The following CDK3 variants were observed in gnomAD, a reference collection of about 807,000 sequenced individuals.
CDK3 encodes cyclin-dependent kinase 3.
A neutral mutation model predicts 30.2 loss-of-function variants in CDK3; 24 were observed. The ratio of observed to expected loss-of-function variants is 0.79; its 90% confidence interval spans 0.57 to 1.12. The LOEUF is 1.12. Ranked by LOEUF, CDK3 falls within the 50% of genes most tolerant of loss-of-function variation. CDK3 has a pLI of 0.00. For missense variants in CDK3, 345 were observed against 376.0 expected (o/e 0.92, Z 0.68); for synonymous variants, 158 against 154.2 (o/e 1.02, Z -0.18).
In CDK3 at chr17:76,002,097, C is replaced by A; in HGVS notation, c.270C>A (p.Tyr90Ter). 4 of 1,613,998 alleles carry A rather than the reference C, an allele frequency of 2.5e-6. No individual in the cohort carries two copies. The highest frequency in any genetic ancestry group is 3.4e-6 in the Non-Finnish European group (4 of 1,180,004). ...TCCTCAGCCAGGACCTGAAGAAGTACATGGACTCCACCCCAGGCTCAGAGC... is the reference window on the plus strand; with the variant it reads ...TCCTCAGCCAGGACCTGAAGAAGTAAATGGACTCCACCCCAGGCTCAGAGC... The part of the protein sequence containing the change: ...FEFLSQDLKK[Y>*]MDSTPGSELP... Residue 90 changes from tyrosine (Y) to a stop codon, truncating the protein, a stop_gained, in exon 4 of 8, where the codon TAC becomes TAA. Transcript: ENST00000448471. LOFTEE classifies it high-confidence loss of function. This position sits in a 1 kb window ranked among gnomAD's most constrained non-coding sequence, Gnocchi z 4.3.
intron 7 of CDK3, among the ~76,000 whole-genome samples, chr17:76,004,970 C>T (rs1318571166): frequency 6.6e-6 from 1 of 152,172 alleles, no homozygotes; most frequent in Non-Finnish European, 1.5e-5. Context: ...CAGTGTTCCT[C>T]CCTGGACAGC....
chr17:76,003,764 T>C (rs559572558), intron 7 of CDK3, among the ~76,000 whole-genome samples: 1 of 152,160 alleles, frequency 6.6e-6, no homozygotes, highest in South Asian at 2.1e-4. Flanking sequence ...TTTTTTGAGA[T>C]GGAGTTTTGC....
rs765907594 is a variant in CDK3, at chr17:76,002,578, A to G, written c.554A>G (p.Asp185Gly). 2.3e-6 allele frequency: 2 copies of G among 863,234 alleles called. No individual in the cohort carries two copies. Among genetic ancestry groups the G allele is most frequent in the South Asian group, 1.3e-5 (1 of 76,164 alleles). The allele number at this position is 863,234 out of a possible 1,614,324, so 53.5% of individuals were successfully genotyped here. Residue 185 changes from aspartate (D) to glycine (G), a missense_variant, in exon 6 of 8, where the codon GAT becomes GGT. By Grantham distance (94) the Asp-to-Gly change is moderately conservative. Coordinates refer to ENST00000448471, the MANE Select transcript of CDK3 (RefSeq NM_001258.4). This position sits in a 1 kb window ranked among gnomAD's most constrained non-coding sequence, Gnocchi z 4.3. ...LGSKFYTTAV[D>G]IWSIGCIFAE... ...AGCAAGTTCTATACCACAGCTGTGGATATCTGGAGCATTGGTTGCATCTTT... is the reference window on the plus strand; with the variant it reads ...AGCAAGTTCTATACCACAGCTGTGGGTATCTGGAGCATTGGTTGCATCTTT...
Position 76,002,434 on chromosome 17 carries a change from G to A in CDK3, c.486+16G>A. 1.9e-6 allele frequency: 3 copies of A among 1,612,456 alleles called. No individual in the cohort carries two copies. Among genetic ancestry groups the A allele is most frequent in the Middle Eastern group, 3.3e-4 (2 of 6,060 alleles). ...CACCCATGAGGTATTGTGAGACAAA[G>A]AGGAGAGAGGGGCAGCAGGAGGAGT... On this transcript the variant is annotated intron_variant, in intron 5 of 7. Transcript: ENST00000448471. The surrounding 1 kb of genome is among the most constrained non-coding windows in gnomAD (Gnocchi z 4.3).
rs1201599524 is a variant in CDK3, at chr17:76,005,572, G to A, written c.*149G>A. On this transcript the variant is annotated 3_prime_UTR_variant, in exon 8 of 8. Coordinates refer to ENST00000448471, the MANE Select transcript of CDK3 (RefSeq NM_001258.4). This position sits in a 1 kb window ranked among gnomAD's most constrained non-coding sequence, Gnocchi z 4.7. Reference sequence around the variant, plus strand: ...AGAGGGCTGAGTCTGGGTTAGTCCTGCCCGCAGGTTAGCGAGATCCTGTGT... The same window carrying A: ...AGAGGGCTGAGTCTGGGTTAGTCCTACCCGCAGGTTAGCGAGATCCTGTGT... The A allele has an allele frequency of 9.6e-6, 9 of 939,630 alleles. No homozygotes were observed. The highest frequency in any genetic ancestry group is 1.4e-5 in the Non-Finnish European group (9 of 642,322). 58.2% of individuals were successfully genotyped at this position (939,630 alleles called of 1,614,324 possible).
intron 7 of CDK3, among the ~76,000 whole-genome samples, chr17:76,004,219 G>GTTTTTTTTGTT (rs71361702): frequency 2.9e-4 from 27 of 92,298 alleles, no homozygotes; most frequent in Non-Finnish European, 4.2e-4. Context: ...AGAACCGTCT[G>GTTTTTTTTGTT]TTTTTTTTTT....
chr17:76,004,628 C>CA (rs1313310562), intron 7 of CDK3: 2 of 152,490 alleles, frequency 1.3e-5, no homozygotes, highest in Non-Finnish European at 2.9e-5. Flanking sequence ...CTGGGGGGAT[C>CA]ACAGGTGTGA....
At position 76,002,208 on chromosome 17, in the gene CDK3, C is replaced by A; in HGVS notation, c.316-40C>A. On this transcript the variant is annotated intron_variant, in intron 4 of 7. Transcript: ENST00000448471. The surrounding 1 kb of genome is among the most constrained non-coding windows in gnomAD (Gnocchi z 4.3). ...CCCTGCCATCCCTGTCCACGCAGCA[C>A]CTCCGCTCAGCTGGCTGCACCTCGC... 6.2e-7 allele frequency: 1 copy of A among 1,612,708 alleles called. No homozygotes were observed. Among genetic ancestry groups the A allele is most frequent in the Non-Finnish European group, 8.5e-7 (1 of 1,179,342 alleles).
chr17:76,005,262 C>T lies in CDK3; in HGVS notation c.793-36C>T. The T allele has an allele frequency of 1.9e-6, 3 of 1,605,340 alleles. No individual in the cohort carries two copies. Among genetic ancestry groups the T allele is most frequent in the South Asian group, 2.2e-5 (2 of 90,346 alleles). On this transcript the variant is annotated intron_variant, in intron 7 of 7. Coordinates refer to ENST00000448471, the MANE Select transcript of CDK3 (RefSeq NM_001258.4). This position sits in a 1 kb window ranked among gnomAD's most constrained non-coding sequence, Gnocchi z 4.7. ...GGAATTTCTCACCCCACCCTGGCTGCACCCAGACCACATCTTCTTCCTTCT... is the reference window on the plus strand; with the variant it reads ...GGAATTTCTCACCCCACCCTGGCTGTACCCAGACCACATCTTCTTCCTTCT...
At chr17:76,003,640 C>A (rs1048549333) in intron 7 of CDK3, among the ~76,000 whole-genome samples, 3 of 152,246 alleles carry the variant, frequency 2.0e-5, no homozygotes, top group South Asian at 4.1e-4. Context: ...CTGTGCTACA[C>A]GCCCTTTTTC....
rs556210327 is a variant in CDK3, at chr17:76,003,212, G to A, written c.606G>A (p.Leu202=). 28 of 1,614,208 alleles carry A rather than the reference G, an allele frequency of 1.7e-5. No homozygotes were observed. In the East Asian group the frequency reaches 3.6e-4, roughly 21 times the overall value. Residue 202 remains leucine, a synonymous_variant, in exon 7 of 8, where the codon CTG becomes CTA. Coordinates refer to ENST00000448471, the MANE Select transcript of CDK3 (RefSeq NM_001258.4). ...IFAEMVTRKA[L]FPGDSEIDQL... ...CATTTCAGGTGACTCGAAAAGCCCT[G>A]TTTCCTGGTGACTCTGAGATTGACC...
chr17:76,001,779 C>T lies in CDK3; in HGVS notation c.117-95C>T. On this transcript the variant is annotated intron_variant, in intron 2 of 7. Coordinates refer to ENST00000448471, the MANE Select transcript of CDK3 (RefSeq NM_001258.4). The surrounding 1 kb of genome is among the most constrained non-coding windows in gnomAD (Gnocchi z 6.2). ...AGGTCTCCATTGCCGGGGCCCTGGT[C>T]ATTCTGTGGGGTTAAGGAGAAGCCG... 2 of 1,223,528 alleles carry T rather than the reference C, an allele frequency of 1.6e-6. No homozygotes were observed. The highest frequency in any genetic ancestry group is 2.3e-6 in the Non-Finnish European group (2 of 875,668). 75.8% of individuals were successfully genotyped at this position (1,223,528 alleles called of 1,614,324 possible). A position where few individuals can be genotyped will look rare whatever the true frequency, so the allele number is the denominator to read the frequency against.
At position 76,002,549 on chromosome 17, in the gene CDK3, G is replaced by A. The variant is rs2066271017; in HGVS notation, c.525G>A (p.Leu175=). Residue 175 remains leucine, a synonymous_variant, in exon 6 of 8, where the codon TTG becomes TTA. Transcript: ENST00000448471. The surrounding 1 kb of genome is among the most constrained non-coding windows in gnomAD (Gnocchi z 4.3). Reference sequence around the variant, plus strand: ...GGTATCGCGCCCCCGAGATTCTCTTGGGCAGCAAGTTCTATACCACAGCTG... The same window carrying A: ...GGTATCGCGCCCCCGAGATTCTCTTAGGCAGCAAGTTCTATACCACAGCTG... The part of the protein sequence containing the change: ...TLWYRAPEIL[L]GSKFYTTAVD... The A allele has an allele frequency of 9.6e-7, 1 of 1,037,866 alleles. No individual in the cohort carries two copies. The highest frequency in any genetic ancestry group is 2.4e-5 in the East Asian group (1 of 42,276). 64.3% of individuals were successfully genotyped at this position (1,037,866 alleles called of 1,614,324 possible).
At chr17:76,003,173 C>T in intron 6 of CDK3, 22 bp from the exon 7 acceptor site, 3 of 1,610,002 alleles carry the variant, frequency 1.9e-6, no homozygotes, top group Non-Finnish European at 8.5e-7. Flanking sequence ...GACCCCACAC[C>T]TTCTCTTCTT....
Position 76,002,962 on chromosome 17 carries a change from A to G in CDK3, c.589-233A>G, listed in dbSNP as rs758232699. 3.3e-5 allele frequency: 19 copies of G among 576,046 alleles called. No homozygotes were observed. The highest frequency in any genetic ancestry group is 4.9e-5 in the Non-Finnish European group (16 of 323,400). 35.7% of individuals were successfully genotyped at this position (576,046 alleles called of 1,614,324 possible). A position where few individuals can be genotyped will look rare whatever the true frequency, so the allele number is the denominator to read the frequency against. On this transcript the variant is annotated intron_variant, in intron 6 of 7. Transcript: ENST00000448471. The surrounding 1 kb of genome is among the most constrained non-coding windows in gnomAD (Gnocchi z 4.3). ...CAGTGAGCTGTGATCGCACGACTGC[A>G]CTCTAGCCTGGGTGACAGAGCAAGA... is the stretch of plus-strand genomic sequence containing the variant.
At position 76,005,279 on chromosome 17, in the gene CDK3, C is replaced by T; in HGVS notation, c.793-19C>T. The T allele has an allele frequency of 2.5e-6, 4 of 1,612,598 alleles. No homozygotes were observed. Among genetic ancestry groups the T allele is most frequent in the Non-Finnish European group, 3.4e-6 (4 of 1,179,092 alleles). On this transcript the variant is annotated intron_variant, in intron 7 of 7. Transcript: ENST00000448471. This position sits in a 1 kb window ranked among gnomAD's most constrained non-coding sequence, Gnocchi z 4.7. ...CCTGGCTGCACCCAGACCACATCTT[C>T]TTCCTTCTTTCTTCCTAGCAACTCC...
At position 76,002,702 on chromosome 17, in the gene CDK3, G is replaced by A. The variant is rs191166789; in HGVS notation, c.588+90G>A. The A allele has an allele frequency of 1.8e-4, 132 of 732,504 alleles. 1 individual carries two copies. The highest frequency in any genetic ancestry group is 1.6e-3 in the African/African-American group (91 of 58,470). 45.4% of individuals were successfully genotyped at this position (732,504 alleles called of 1,614,324 possible). On this transcript the variant is annotated intron_variant, in intron 6 of 7. Coordinates refer to ENST00000448471, the MANE Select transcript of CDK3 (RefSeq NM_001258.4). This position sits in a 1 kb window ranked among gnomAD's most constrained non-coding sequence, Gnocchi z 4.3. ...GTCCACTGATGCTCCCATTCGAGGCGGATTAAAGAGTGTTTGGGGCTGGAC... is the reference window on the plus strand; with the variant it reads ...GTCCACTGATGCTCCCATTCGAGGCAGATTAAAGAGTGTTTGGGGCTGGAC...
chr17:76,002,343 G>A lies in CDK3; in HGVS notation c.411G>A (p.Glu137=). 1 of 1,613,010 alleles carries A rather than the reference G, an allele frequency of 6.2e-7. No individual in the cohort carries two copies. The highest frequency in any genetic ancestry group is 8.5e-7 in the Non-Finnish European group (1 of 1,179,990). ...AGCCCCAGAACCTGCTCATCAATGA[G>A]TTGGGTGCCATCAAGCTGGCTGACT... The part of the protein sequence containing the change: ...DLKPQNLLIN[E]LGAIKLADFG... Residue 137 remains glutamate, a synonymous_variant, in exon 5 of 8, where the codon GAG becomes GAA. Coordinates refer to ENST00000448471, the MANE Select transcript of CDK3 (RefSeq NM_001258.4). This position sits in a 1 kb window ranked among gnomAD's most constrained non-coding sequence, Gnocchi z 4.3.
rs1471867890 is a variant in CDK3 at position 76,001,429 on chromosome 17, G to A, written c.4G>A (p.Asp2Asn). M[D>N]MFQKVEKIGE... ...TTTCCCAGGCAGCTCTGTGGCCATG[G>A]ATATGTTCCAGAAGGTAGAGAAGAT... Residue 2 changes from aspartate to asparagine, a missense_variant, in exon 2 of 8, where the codon GAT becomes AAT. Asp to Asn is a conservative substitution (Grantham distance 23). Transcript: ENST00000448471. This position sits in a 1 kb window ranked among gnomAD's most constrained non-coding sequence, Gnocchi z 6.2. 1 of 1,614,008 alleles carries A rather than the reference G, an allele frequency of 6.2e-7. No individual in the cohort carries two copies. Among genetic ancestry groups the A allele is most frequent in the Non-Finnish European group, 8.5e-7 (1 of 1,179,986 alleles).
Sources: allele counts gnomAD v4.1 joint callset (sites outside exome capture counted in the v4.1 genomes callset), GRCh38; gene constraint gnomAD v4.1.1; non-coding constraint Gnocchi (gnomAD v3.1); transcripts MANE v1.5; gene names NCBI Gene and HGNC (gene_info 2026-07-23, HGNC 2026-07-21).